The following DLGAP1 variants were observed in gnomAD, a reference collection of about 807,000 sequenced individuals.
The protein encoded by DLGAP1 is DLG associated protein 1.
DLGAP1 carries 11 observed loss-of-function variants against 90.8 expected under a neutral mutation model. That is an observed-to-expected ratio of 0.12 (90% CI 0.08 to 0.20). The LOEUF (loss-of-function observed/expected upper bound fraction) is 0.20. Ranked by LOEUF, DLGAP1 falls within the 10% of genes least tolerant of loss-of-function variation. The probability of loss-of-function intolerance (pLI) is 1.00; values close to 1 mark genes in which losing one functional copy is unlikely to be tolerated. For missense variants in DLGAP1, 1,050 were observed against 1,333.8 expected (o/e 0.79, Z 3.31); for synonymous variants, 558 against 540.7 (o/e 1.03, Z -0.44).
intron 7 of DLGAP1, among the ~76,000 whole-genome samples, chr18:3,591,247 G>A (rs1467768139): frequency 6.6e-6 from 1 of 151,810 alleles, no homozygotes; most frequent in African/African-American, 2.4e-5. Context: ...GATGTGAAGA[G>A]GCCAAAAGAA....
Position 3,727,539 on chromosome 18 carries a change from G to T in DLGAP1, c.1591+1596C>A, listed in dbSNP as rs989198530. On this transcript the variant is annotated intron_variant, in intron 7 of 12. Coordinates refer to ENST00000315677, the MANE Select transcript of DLGAP1 (RefSeq NM_004746.4). This position sits in a 1 kb window ranked among gnomAD's most constrained non-coding sequence, Gnocchi z 4.7. ...GGAGCGATTTCAGCTGGCAGGCAAT[G>T]AGTTCATCATACAGAAGAATGGACC... 4.6e-5 allele frequency among the ~76,000 whole-genome samples: 7 copies of T among 152,050 alleles called. No individual in the cohort carries two copies. The highest frequency in any genetic ancestry group is 8.8e-5 in the Non-Finnish European group (6 of 68,004).
chr18:4,420,935 T>G (rs1316025817), intron 1 of DLGAP1, among the ~76,000 whole-genome samples: 1 of 152,220 alleles, frequency 6.6e-6, no homozygotes, highest in Non-Finnish European at 1.5e-5. Context: ...CTCCGTCTGT[T>G]ATACATGATG....
intron 9 of DLGAP1, among the ~76,000 whole-genome samples, chr18:3,551,960 G>GTT (rs60343720): frequency 3.5e-5 from 5 of 142,890 alleles, no homozygotes; most frequent in African/African-American, 7.7e-5. Flanking sequence ...TTTTTAAATT[G>GTT]TTTTTTTTTT....
At chr18:4,433,482 G>A (rs2083334109) in intron 1 of DLGAP1, among the ~76,000 whole-genome samples, 2 of 152,142 alleles carry the variant, frequency 1.3e-5, no homozygotes. Flanking sequence ...AAGTTAGAGG[G>A]AGTGTGTCCA....
chr18:4,012,029 T>C (rs2074433631), intron 2 of DLGAP1, among the ~76,000 whole-genome samples: 1 of 152,064 alleles, frequency 6.6e-6, no homozygotes, highest in South Asian at 2.1e-4. Context: ...CTCTACAATG[T>C]CCTTGGGCAT....
chr18:4,415,446 T>C (rs1179029104), intron 1 of DLGAP1, among the ~76,000 whole-genome samples: 1 of 151,976 alleles, frequency 6.6e-6, no homozygotes, highest in Non-Finnish European at 1.5e-5. Context: ...AATGAAAAAT[T>C]GTTAAATCGG....
chr18:3,656,683 G>A (rs1018665516), intron 7 of DLGAP1, among the ~76,000 whole-genome samples: 2 of 151,988 alleles, frequency 1.3e-5, no homozygotes, highest in African/African-American at 4.8e-5. Flanking sequence ...AAGTCAAGTT[G>A]TTCATGAAGC....
At position 4,311,041 on chromosome 18, in the gene DLGAP1, T is replaced by TA. The variant is rs529647794; in HGVS notation, c.-267+143964dup. 4.6e-5 allele frequency among the ~76,000 whole-genome samples: 7 copies of TA among 152,332 alleles called. No individual in the cohort carries two copies. The South Asian group carries it at 1.2e-3, about 27-fold the overall frequency. On this transcript the variant is annotated intron_variant, in intron 1 of 12. Coordinates refer to ENST00000315677, the MANE Select transcript of DLGAP1 (RefSeq NM_004746.4). Reference sequence around the variant, plus strand: ...TGCTTGCATGTAAAGGATGCTGACTTATTTTTCCTTTCAAAGCCTAGGTCT... The same window carrying TA: ...TGCTTGCATGTAAAGGATGCTGACTTAATTTTTCCTTTCAAAGCCTAGGTCT...
Position 3,507,430 on chromosome 18 carries a change from C to T in DLGAP1, c.2571+1140G>A, listed in dbSNP as rs552796124. On this transcript the variant is annotated intron_variant, in intron 11 of 12. Transcript: ENST00000315677. Reference sequence around the variant, plus strand: ...TACTCGGAGGCTGAGGCAGGAGAATCGCTTGAACCTGGGAGGCAGAGGTTG... The same window carrying T: ...TACTCGGAGGCTGAGGCAGGAGAATTGCTTGAACCTGGGAGGCAGAGGTTG... Among the ~76,000 whole-genome samples the T allele has an allele frequency of 3.2e-3, 481 of 152,178 alleles. 4 individuals are homozygous for T. Among genetic ancestry groups the T allele is most frequent in the African/African-American group, 0.011 (462 of 41,520 alleles).
intron 1 of DLGAP1, among the ~76,000 whole-genome samples, chr18:4,440,286 T>C (rs1567924952): frequency 6.6e-6 from 1 of 152,148 alleles, no homozygotes; most frequent in Non-Finnish European, 1.5e-5. Context: ...CTTATATGAT[T>C]GTGATGTGAT....
chr18:4,326,871 G>T (rs533310433), intron 1 of DLGAP1, among the ~76,000 whole-genome samples: 48 of 152,150 alleles, frequency 3.2e-4, no homozygotes, highest in African/African-American at 1.1e-3. Context: ...TAGGAGAAGG[G>T]AGAGAATCAG....
chr18:4,044,023 G>A (rs2075014090), intron 2 of DLGAP1, among the ~76,000 whole-genome samples: 1 of 152,280 alleles, frequency 6.6e-6, no homozygotes, highest in East Asian at 1.9e-4. Context: ...TGCAAATTGG[G>A]TAATGTAAGA....
At chr18:3,993,185 G>A (rs2074003194) in intron 3 of DLGAP1, 1 of 151,772 alleles carries the variant, frequency 6.6e-6, no homozygotes, top group Non-Finnish European at 1.5e-5. Context: ...TTGCACCGGC[G>A]ACTCACGTGG....
intron 8 of DLGAP1, among the ~76,000 whole-genome samples, chr18:3,572,029 C>T (rs2054820691): frequency 2.0e-5 from 3 of 147,562 alleles, no homozygotes; most frequent in Middle Eastern, 7.0e-3. Flanking sequence ...TATTCTTTCA[C>T]GTTGCTGAAT....
At chr18:3,566,157 A>G (rs1239448401) in intron 9 of DLGAP1, among the ~76,000 whole-genome samples, 1 of 150,332 alleles carries the variant, frequency 6.7e-6, no homozygotes, top group Non-Finnish European at 1.5e-5. Context: ...TTCTTTTACA[A>G]TGATAAATAA....
chr18:4,216,385 C>T (rs1598639712), intron 1 of DLGAP1, among the ~76,000 whole-genome samples: 1 of 152,020 alleles, frequency 6.6e-6, no homozygotes, highest in East Asian at 1.9e-4. Context: ...AACCATATCA[C>T]CTACCAACTA....
Position 3,947,803 on chromosome 18 carries a change from A to G in DLGAP1, c.-73+57313T>C, listed in dbSNP as rs147929620. ...ATGGAAAGTGCTACTACAACAAGCCATGATCTCAGAGATCCTTTTATATTA... is the reference window on the plus strand; with the variant it reads ...ATGGAAAGTGCTACTACAACAAGCCGTGATCTCAGAGATCCTTTTATATTA... On this transcript the variant is annotated intron_variant, in intron 3 of 12. Transcript: ENST00000315677. Among the ~76,000 whole-genome samples, 765 of 152,320 alleles carry G rather than the reference A, an allele frequency of 5.0e-3. 3 individuals carry two copies. The highest frequency in any genetic ancestry group is 8.0e-3 in the Non-Finnish European group (544 of 68,028).
chr18:4,376,726 A>G (rs140954506), intron 1 of DLGAP1, among the ~76,000 whole-genome samples: 3 of 152,150 alleles, frequency 2.0e-5, no homozygotes, highest in African/African-American at 7.2e-5. Context: ...AGTGATTCTT[A>G]ATGGGTTGTG....
intron 3 of DLGAP1, among the ~76,000 whole-genome samples, chr18:3,930,517 C>T (rs552839659): frequency 6.6e-6 from 1 of 152,244 alleles, no homozygotes; most frequent in East Asian, 1.9e-4. Flanking sequence ...TTGTGCGGAT[C>T]TGAGCGTGTC....
Sources: gnomAD v4.1 joint callset for allele counts (sites outside exome capture counted in the v4.1 genomes callset) on GRCh38, gnomAD v4.1.1 for gene constraint, Gnocchi (gnomAD v3.1) non-coding constraint, MANE v1.5 for transcripts, NCBI Gene and HGNC (gene_info 2026-07-23, HGNC 2026-07-21) for gene names.